The following UBR2 variants were observed in gnomAD, a reference collection of about 807,000 sequenced individuals.
UBR2 encodes E3 ubiquitin-protein ligase UBR2.
A neutral mutation model predicts 247.9 loss-of-function variants in UBR2; 92 were observed. The observed-to-expected ratio is 0.37, with a 90% CI of 0.31 to 0.44. UBR2 has a LOEUF of 0.44. UBR2 is among the 20% of genes least tolerant of loss of function. The pLI is 1.00. For synonymous variants in UBR2, 672 were observed against 693.5 expected (o/e 0.97, Z 0.49); for missense variants, 1,613 against 2,112.6 (o/e 0.76, Z 4.64).
intron 16 of UBR2, among the ~76,000 whole-genome samples, chr6:42,640,931 G>A (rs1478090525): frequency 1.3e-5 from 2 of 151,734 alleles, no homozygotes; most frequent in Admixed American, 6.6e-5. Context: ...GTTTCACCAT[G>A]TTGCCCAGGC....
chr6:42,666,047 A>T (rs1310823357), intron 33 of UBR2, 120 bp from the exon 34 acceptor site: 5 of 722,320 alleles, frequency 6.9e-6, no homozygotes, highest in Non-Finnish European at 1.1e-5. Context: ...TATGGTTGTT[A>T]TGCCAGTTTT....
intron 2 of UBR2, 136 bp downstream of exon 2, chr6:42,574,129 A>G (rs1345034047): frequency 5.8e-6 from 5 of 864,740 alleles, no homozygotes; most frequent in Non-Finnish European, 6.4e-6. Flanking sequence ...AATACATGCT[A>G]TTTAATAAAT....
chr6:42,627,668 T>G (rs954705896), intron 11 of UBR2, among the ~76,000 whole-genome samples: 7 of 146,514 alleles, frequency 4.8e-5, no homozygotes, highest in African/African-American at 1.5e-4. Context: ...CCTGGCTAAG[T>G]TTTTTTTTTT....
intron 39 of UBR2, among the ~76,000 whole-genome samples, chr6:42,676,459 A>G (rs939941265): frequency 1.3e-5 from 2 of 152,198 alleles, no homozygotes; most frequent in African/African-American, 4.8e-5. Context: ...TATGTTTTAG[A>G]ATGCCAATTT....
intron 10 of UBR2, 85 bp downstream of exon 10, chr6:42,616,175 C>T: frequency 1.2e-6 from 1 of 807,150 alleles, no homozygotes; most frequent in Non-Finnish European, 1.9e-6. Context: ...AAATTAACAT[C>T]TAATAGTAAT....
intron 11 of UBR2, 126 bp downstream of exon 11, chr6:42,617,633 A>T: frequency 1.2e-6 from 1 of 814,384 alleles, no homozygotes; most frequent in South Asian, 1.8e-5. Context: ...TCAGACTTCA[A>T]ACACCTTCAC....
chr6:42,578,934 G>A (rs1311638155), intron 2 of UBR2, among the ~76,000 whole-genome samples: 1 of 150,052 alleles, frequency 6.7e-6, no homozygotes, highest in Admixed American at 6.7e-5. Flanking sequence ...TTGCACTCCA[G>A]CCTGGGCGAA....
Position 42,681,523 on chromosome 6 carries a change from C to T in UBR2, c.4719-1532C>T, listed in dbSNP as rs528851634. Among the ~76,000 whole-genome samples, 61 of 152,296 alleles carry T rather than the reference C, an allele frequency of 4.0e-4. 1 individual carries two copies. The South Asian group carries it at 0.012, about 31-fold the overall frequency. ...AAAAGATGCTCAACATCACTAGTCA[C>T]TGGGGAAATCACACTGACATACCAC... On this transcript the variant is annotated intron_variant, in intron 42 of 46. Transcript: ENST00000372901.
chr6:42,592,564 G>A (rs1200109391), intron 3 of UBR2, among the ~76,000 whole-genome samples: 3 of 152,180 alleles, frequency 2.0e-5, no homozygotes, highest in Admixed American at 1.3e-4. Flanking sequence ...CGACCCACCA[G>A]TTTAGTATTT....
At chr6:42,594,162 GA>G in intron 3 of UBR2, 28 bp from the exon 4 acceptor site, 2 of 1,534,760 alleles carry the variant, frequency 1.3e-6, no homozygotes, top group Non-Finnish European at 1.8e-6. Context: ...AATATTTATT[GA>G]CAAGATACTT....
At chr6:42,620,723 G>A (rs1314775613) in intron 11 of UBR2, among the ~76,000 whole-genome samples, 1 of 151,782 alleles carries the variant, frequency 6.6e-6, no homozygotes, top group Non-Finnish European at 1.5e-5. Context: ...TCAAAGTGCT[G>A]GGATTACGGG....
intron 4 of UBR2, among the ~76,000 whole-genome samples, chr6:42,594,895 T>G (rs1171601118): frequency 6.6e-6 from 1 of 152,236 alleles, no homozygotes; most frequent in Non-Finnish European, 1.5e-5. Flanking sequence ...CTCTGCTGCT[T>G]TTTTTAAAAC....
At chr6:42,614,340 G>GTATATATGTGTA (rs1314022199) in intron 8 of UBR2, among the ~76,000 whole-genome samples, 2 of 83,916 alleles carry the variant, frequency 2.4e-5, no homozygotes, top group African/African-American at 9.5e-5. Flanking sequence ...ATATGTGTAT[G>GTATATATGTGTA]TGTGTATGTA....
At chr6:42,573,616 A>G (rs1791305167) in intron 1 of UBR2, 118 bp from the exon 2 acceptor site, 1 of 1,232,278 alleles carries the variant, frequency 8.1e-7, no homozygotes, top group South Asian at 2.1e-5. Context: ...AGTGTTGTAA[A>G]CAAAATATTT....
At chr6:42,618,262 C>T (rs547180996) in intron 11 of UBR2, among the ~76,000 whole-genome samples, 117 of 152,188 alleles carry the variant, frequency 7.7e-4, no homozygotes, top group African/African-American at 2.7e-3. Context: ...TGCCTTTATG[C>T]AAGGGCATGA....
At chr6:42,681,753 A>G in intron 42 of UBR2, among the ~76,000 whole-genome samples, 1 of 152,234 alleles carries the variant, frequency 6.6e-6, no homozygotes, top group East Asian at 1.9e-4. Flanking sequence ...CTAGGTACAG[A>G]TTACAAAATA....
At position 42,657,184 on chromosome 6, in the gene UBR2, G is replaced by A. The variant is rs143237948; in HGVS notation, c.2873-840G>A. 1.8e-3 allele frequency among the ~76,000 whole-genome samples: 261 copies of A among 147,918 alleles called. 9 individuals carry two copies. The East Asian group carries it at 0.049, about 28-fold the overall frequency. On this transcript the variant is annotated intron_variant, in intron 26 of 46. Coordinates refer to ENST00000372901, the MANE Select transcript of UBR2 (RefSeq NM_001363705.2). The stretch of plus-strand genomic sequence containing the variant: ...CAGGAGGTGGAGGTTGCAGTGATCC[G>A]AGATTACACCACTGCACTCCAGCCT...
chr6:42,609,207 A>G (rs1793907165), intron 7 of UBR2, among the ~76,000 whole-genome samples: 1 of 152,222 alleles, frequency 6.6e-6, no homozygotes, highest in African/African-American at 2.4e-5. Flanking sequence ...TACCTCACCT[A>G]GGAATTTATC....
At chr6:42,634,852 T>C (rs1435205751) in intron 13 of UBR2, among the ~76,000 whole-genome samples, 2 of 152,250 alleles carry the variant, frequency 1.3e-5, no homozygotes, top group Non-Finnish European at 1.5e-5. Flanking sequence ...AATAGCTACT[T>C]TGGTCATTTT....
Sources: gnomAD v4.1 joint callset for allele counts (sites outside exome capture counted in the v4.1 genomes callset) on GRCh38, gnomAD v4.1.1 for gene constraint, MANE v1.5 for transcripts, NCBI Gene and HGNC (gene_info 2026-07-23, HGNC 2026-07-21) for gene names.